ZDHHC20: variants seen among roughly 807,000 people sequenced by gnomAD.
The protein encoded by ZDHHC20 is palmitoyltransferase ZDHHC20.
A neutral mutation model predicts 57.8 loss-of-function variants in ZDHHC20; 43 were observed. The ratio of observed to expected loss-of-function variants is 0.74; its 90% CI spans 0.58 to 0.96. The LOEUF is 0.96. Among genes scored for constraint, ZDHHC20 ranks in the 40% least tolerant of loss-of-function variants. The pLI is 0.00. For missense variants in ZDHHC20, 391 were observed against 441.1 expected (o/e 0.89, Z 1.02); for synonymous variants, 157 against 153.0 (o/e 1.03, Z -0.19).
chr13:21,394,506 T>C (rs2137751818), intron 7 of ZDHHC20, among the ~76,000 whole-genome samples: 2 of 152,338 alleles, frequency 1.3e-5, no homozygotes, highest in Admixed American at 1.3e-4. Context: ...TTTTCAGAGA[T>C]ATACTACAAG....
At chr13:21,454,262 G>T (rs1034837257) in intron 1 of ZDHHC20, among the ~76,000 whole-genome samples, 1 of 152,082 alleles carries the variant, frequency 6.6e-6, no homozygotes, top group Non-Finnish European at 1.5e-5. Context: ...GGAGGAGGAG[G>T]TTGCAGTGAG....
At position 21,382,942 on chromosome 13, in the gene ZDHHC20, T is replaced by C; in HGVS notation, c.922A>G (p.Asn308Asp). Residue 308 changes from asparagine to aspartate, a missense_variant, in exon 10 of 13, where the codon AAC (asparagine) becomes GAC (aspartate). Asn to Asp is a conservative substitution (Grantham distance 23, BLOSUM62 1). Coordinates refer to ENST00000400590, the MANE Select transcript of ZDHHC20 (RefSeq NM_001330059.2). Reference protein sequence around the residue: ...GMDPEQASVTNQNEYARSSGS... With the variant: ...GMDPEQASVTDQNEYARSSGS... ...TACCTTCTGGCATACTCATTCTGGT[T>C]TGTAACAGAAGCTTGTTCTGGATCC... 1 of 1,562,460 alleles carries C rather than the reference T, an allele frequency of 6.4e-7. No individual in the cohort carries two copies. Among genetic ancestry groups the C allele is most frequent in the East Asian group, 2.4e-5 (1 of 42,110 alleles).
intron 1 of ZDHHC20, among the ~76,000 whole-genome samples, chr13:21,436,222 A>G (rs967136484): frequency 1.3e-5 from 2 of 152,232 alleles, no homozygotes; most frequent in Non-Finnish European, 2.9e-5. Flanking sequence ...AGCACACACT[A>G]CCTTGGGTGT....
intron 10 of ZDHHC20, among the ~76,000 whole-genome samples, chr13:21,382,715 G>A (rs1873643559): frequency 6.6e-6 from 1 of 152,076 alleles, no homozygotes; most frequent in South Asian, 2.1e-4. Flanking sequence ...CTACTCGTAA[G>A]TGTTCTGGTT....
intron 8 of ZDHHC20, among the ~76,000 whole-genome samples, chr13:21,391,295 T>G (rs1386541887): frequency 1.3e-5 from 2 of 152,174 alleles, no homozygotes; most frequent in Admixed American, 6.6e-5. Flanking sequence ...GAAACGACAC[T>G]GTATGAATGC....
intron 4 of ZDHHC20, among the ~76,000 whole-genome samples, chr13:21,411,522 C>T (rs184824753): frequency 3.9e-5 from 6 of 152,238 alleles, no homozygotes; most frequent in African/African-American, 7.2e-5. Context: ...TATGGCTAAG[C>T]GAGTGGTAAC....
chr13:21,411,772 G>C lies in ZDHHC20; in HGVS notation c.370+1880C>G, dbSNP rs1879248907. ...CAAGGATAGAAATAGAGCTGAGTTT[G>C]TGTGAGGGTAGTGTTTTTCATTAAC... On this transcript the variant is annotated intron_variant, in intron 4 of 12. Coordinates refer to ENST00000400590, the MANE Select transcript of ZDHHC20 (RefSeq NM_001330059.2). Among the ~76,000 whole-genome samples the C allele has an allele frequency of 2.0e-5, 3 of 152,204 alleles. No individual in the cohort carries two copies. In the South Asian group the frequency reaches 6.2e-4, roughly 31 times the overall value.
intron 1 of ZDHHC20, among the ~76,000 whole-genome samples, chr13:21,441,377 A>G (rs115064005): frequency 0.019 from 2,756 of 142,300 alleles, 69 homozygotes; most frequent in African/African-American, 0.063. Context: ...CTTCCACTCT[A>G]TTTTCTTTTC....
intron 1 of ZDHHC20, among the ~76,000 whole-genome samples, chr13:21,455,980 T>C (rs1224714361): frequency 1.3e-5 from 2 of 152,220 alleles, no homozygotes; most frequent in Non-Finnish European, 2.9e-5. Flanking sequence ...TGCTACTTAC[T>C]GGCTCTATAA....
intron 3 of ZDHHC20, among the ~76,000 whole-genome samples, chr13:21,418,386 A>G (rs1355623559): frequency 2.6e-5 from 4 of 152,162 alleles, no homozygotes; most frequent in African/African-American, 9.7e-5. Flanking sequence ...ACCACCAAAA[A>G]AAATAACAAC....
In ZDHHC20 at chr13:21,459,287, G is replaced by T; in HGVS notation, c.-116C>A. On this transcript the variant is annotated 5_prime_UTR_variant, in exon 1 of 13. Coordinates refer to ENST00000400590, the MANE Select transcript of ZDHHC20 (RefSeq NM_001330059.2). Reference sequence around the variant, plus strand: ...CTGGTCCAGCTCCCCCGCCTCCGAGGCAGGACTTGTGGGAGCAAAAGTCCG... The same window carrying T: ...CTGGTCCAGCTCCCCCGCCTCCGAGTCAGGACTTGTGGGAGCAAAAGTCCG... 1.3e-6 allele frequency: 1 copy of T among 743,220 alleles called. No homozygotes were observed. The highest frequency in any genetic ancestry group is 2.1e-6 in the Non-Finnish European group (1 of 486,676). The allele number at this position is 743,220 out of a possible 1,614,324, so 46.0% of individuals were successfully genotyped here.
chr13:21,401,916 C>T (rs536174990), intron 5 of ZDHHC20, among the ~76,000 whole-genome samples: 2 of 152,176 alleles, frequency 1.3e-5, no homozygotes, highest in African/African-American at 4.8e-5. Flanking sequence ...CTGCCTTAGA[C>T]CACATCAAAT....
chr13:21,442,804 A>T (rs1199314627), intron 1 of ZDHHC20, among the ~76,000 whole-genome samples: 1 of 151,768 alleles, frequency 6.6e-6, no homozygotes, highest in Non-Finnish European at 1.5e-5. Context: ...TATTCAGCAG[A>T]TATTTATTTA....
intron 3 of ZDHHC20, among the ~76,000 whole-genome samples, chr13:21,414,001 A>G (rs1428279480): frequency 1.3e-5 from 2 of 152,214 alleles, no homozygotes; most frequent in African/African-American, 4.8e-5. Flanking sequence ...TATGAACTAA[A>G]TATTTTTCCA....
rs1268233517 is a variant in ZDHHC20 at position 21,402,874 on chromosome 13, AAAG to A, written c.371-11_371-9del. 1.3e-6 allele frequency: 2 copies of A among 1,578,502 alleles called. No individual in the cohort carries two copies. Among genetic ancestry groups the A allele is most frequent in the Non-Finnish European group, 1.7e-6 (2 of 1,160,142 alleles). ...TTTCACAATATCTGATAGCTACATGAAAGAAGTAAAAGGAAGATGCTGAAGGAT... is the reference window on the plus strand; with the variant it reads ...TTTCACAATATCTGATAGCTACATGAAAGTAAAAGGAAGATGCTGAAGGAT... On this transcript the variant is annotated splice_polypyrimidine_tract_variant and intron_variant, in intron 4 of 12. Coordinates refer to ENST00000400590, the MANE Select transcript of ZDHHC20 (RefSeq NM_001330059.2).
chr13:21,437,125 A>C (rs1430008569), intron 1 of ZDHHC20, among the ~76,000 whole-genome samples: 1 of 152,236 alleles, frequency 6.6e-6, no homozygotes, highest in African/African-American at 2.4e-5. Context: ...CCTAACTCAG[A>C]GCAAAGTCCT....
chr13:21,416,657 A>C (rs143993727), intron 3 of ZDHHC20, among the ~76,000 whole-genome samples: 2 of 152,332 alleles, frequency 1.3e-5, no homozygotes, highest in East Asian at 1.9e-4. Context: ...GCAGTGGGAG[A>C]TATCAATGAA....
intron 1 of ZDHHC20, among the ~76,000 whole-genome samples, chr13:21,429,258 C>T (rs186357846): frequency 3.2e-4 from 48 of 152,296 alleles, no homozygotes; most frequent in African/African-American, 1.1e-3. Context: ...GTGAGAAGCA[C>T]GTGAGAAAGA....
chr13:21,406,295 C>G (rs1391588657), intron 4 of ZDHHC20, among the ~76,000 whole-genome samples: 1 of 152,208 alleles, frequency 6.6e-6, no homozygotes, highest in Non-Finnish European at 1.5e-5. Flanking sequence ...CCCGATCACT[C>G]CTGGACTTGA....
Sources: gnomAD v4.1 joint callset for allele counts (sites outside exome capture counted in the v4.1 genomes callset) on GRCh38, gnomAD v4.1.1 for gene constraint, MANE v1.5 for transcripts, NCBI Gene and HGNC (gene_info 2026-07-23, HGNC 2026-07-21) for gene names.